KAZN: variants seen among roughly 807,000 people sequenced by gnomAD.
KAZN encodes the protein kazrin.
A neutral mutation model predicts 87.4 loss-of-function variants in KAZN; 40 were observed. That is an observed-to-expected ratio of 0.46 (90% CI 0.36 to 0.60). KAZN has a LOEUF of 0.60. KAZN is among the 20% of genes least tolerant of loss of function. KAZN has a pLI of 0.00. For missense variants in KAZN, 898 were observed against 1,073.9 expected (o/e 0.84, Z 2.29); for synonymous variants, 466 against 458.3 (o/e 1.02, Z -0.22).
At position 15,114,598 on chromosome 1, in the gene KAZN, T is replaced by A. The variant is rs1180929668; in HGVS notation, c.2291T>A (p.Leu764Gln). The A allele has an allele frequency of 2.5e-6, 4 of 1,598,750 alleles. No individual in the cohort carries two copies. The South Asian group carries it at 4.5e-5, about 18-fold the overall frequency. The change falls in exon 15 of 15, where the codon CTG becomes CAG. Residue 764 changes from leucine to glutamine, a missense_variant. Coordinates refer to ENST00000376030, the MANE Select transcript of KAZN (RefSeq NM_201628.3). The stretch of plus-strand genomic sequence containing the variant: ...CAGAGCAGGCTGGAACAGTGCCGTC[T>A]GGAAGGCTACAACAGCCTGGAGGTC... ...DPQSRLEQCR[L>Q]EGYNSLEVTN...
At chr1:14,849,580 T>C (rs1291572720) in intron 1 of KAZN, among the ~76,000 whole-genome samples, 1 of 152,152 alleles carries the variant, frequency 6.6e-6, no homozygotes, top group Non-Finnish European at 1.5e-5. Flanking sequence ...CCAGAGAATA[T>C]TAAAAAACAA....
intron 2 of KAZN, among the ~76,000 whole-genome samples, chr1:14,291,219 C>A (rs1653664403): frequency 6.6e-6 from 1 of 152,246 alleles, no homozygotes; most frequent in Admixed American, 6.5e-5. Flanking sequence ...CTCTTCAGAG[C>A]TGTCAGACAG....
intron 1 of KAZN, among the ~76,000 whole-genome samples, chr1:14,145,268 C>A (rs1645321522): frequency 6.6e-6 from 1 of 152,008 alleles, no homozygotes; most frequent in Non-Finnish European, 1.5e-5. Context: ...CATAGTGAGA[C>A]CCCATCTTTA....
chr1:14,556,475 A>G (rs951276150), intron 2 of KAZN, among the ~76,000 whole-genome samples: 2 of 152,154 alleles, frequency 1.3e-5, no homozygotes, highest in African/African-American at 4.8e-5. Context: ...AAATTTTTAG[A>G]CAGGGACTCA....
intron 2 of KAZN, among the ~76,000 whole-genome samples, chr1:14,502,892 G>A (rs1489903811): frequency 6.6e-6 from 1 of 152,086 alleles, no homozygotes; most frequent in Non-Finnish European, 1.5e-5. Flanking sequence ...GTTGCTCAAT[G>A]ACACAGTTAA....
At chr1:14,518,947 A>C (rs1671436312) in intron 2 of KAZN, among the ~76,000 whole-genome samples, 1 of 152,200 alleles carries the variant, frequency 6.6e-6, no homozygotes, top group African/African-American at 2.4e-5. Context: ...TTTCATCTGC[A>C]TGGGGACCCA....
chr1:14,930,769 G>A (rs1254415631), intron 1 of KAZN, among the ~76,000 whole-genome samples: 1 of 152,230 alleles, frequency 6.6e-6, no homozygotes, highest in Non-Finnish European at 1.5e-5. Flanking sequence ...CAGAGCGGAG[G>A]CTGAGCTGCC....
intron 2 of KAZN, among the ~76,000 whole-genome samples, chr1:15,029,878 C>T (rs898662873): frequency 2.0e-5 from 3 of 152,158 alleles, no homozygotes; most frequent in Non-Finnish European, 2.9e-5. Context: ...TTCTTTCCAC[C>T]GGAGCAGGAG....
At chr1:15,107,605 TGA>T (rs1641339920) in intron 13 of KAZN, among the ~76,000 whole-genome samples, 1 of 152,210 alleles carries the variant, frequency 6.6e-6, no homozygotes. Flanking sequence ...GATGGCAAGA[TGA>T]GATAAGACAA....
chr1:14,374,985 G>A (rs984946551), intron 2 of KAZN, among the ~76,000 whole-genome samples: 2 of 152,146 alleles, frequency 1.3e-5, no homozygotes, highest in African/African-American at 4.8e-5. Context: ...CCAAACTCTA[G>A]AGCACCTCAG....
rs569027726 is a variant in KAZN at position 14,320,188 on chromosome 1, A to G, written c.249+139596A>G. On this transcript the variant is annotated intron_variant, in intron 2 of 16. Coordinates refer to the KAZN transcript ENST00000636203. The stretch of plus-strand genomic sequence containing the variant: ...CACCCATGTGTCTTAAACATCCCAA[A>G]TCTTTGGTAGAATGAGGAGGCAGGG... Among the ~76,000 whole-genome samples the G allele has an allele frequency of 4.4e-4, 67 of 152,230 alleles. No individual in the cohort carries two copies. In the South Asian group the frequency reaches 0.013, roughly 31 times the overall value.
chr1:14,504,153 T>G (rs959974316), intron 2 of KAZN, among the ~76,000 whole-genome samples: 5 of 152,172 alleles, frequency 3.3e-5, no homozygotes, highest in Non-Finnish European at 7.4e-5. Flanking sequence ...GAGGACAAAG[T>G]ATCACGGTTT....
At chr1:14,227,724 T>C (rs996020068) in intron 2 of KAZN, among the ~76,000 whole-genome samples, 2 of 152,192 alleles carry the variant, frequency 1.3e-5, no homozygotes, top group Admixed American at 6.5e-5. Flanking sequence ...GTAGTCATGT[T>C]TGAAACCACC....
At chr1:14,924,588 G>A (rs1658941232) in intron 1 of KAZN, 24 of 1,005,846 alleles carry the variant, frequency 2.4e-5, no homozygotes, top group Non-Finnish European at 2.7e-5. Flanking sequence ...TGCGCGCGGG[G>A]CGGGGCGGGG....
At chr1:14,827,577 T>C (rs1355109572) in intron 1 of KAZN, among the ~76,000 whole-genome samples, 2 of 152,296 alleles carry the variant, frequency 1.3e-5, no homozygotes, top group East Asian at 1.9e-4. Context: ...GACAGTAAAA[T>C]TGCTTAGGGC....
Position 14,916,741 on chromosome 1 carries a change from A to G in KAZN, c.227-43943A>G, listed in dbSNP as rs192976764. On this transcript the variant is annotated intron_variant, in intron 1 of 14. Transcript: ENST00000376030. ...AGCTTGGGCAACACAGTGAGACCCT[A>G]TATCTACAAAAAAAATTAAAAATTA... 2.6e-5 allele frequency among the ~76,000 whole-genome samples: 4 copies of G among 151,932 alleles called. No homozygotes were observed. The East Asian group carries it at 7.8e-4, about 29-fold the overall frequency.
At chr1:15,014,406 G>A (rs929045235) in intron 2 of KAZN, among the ~76,000 whole-genome samples, 12 of 152,104 alleles carry the variant, frequency 7.9e-5, no homozygotes, top group Non-Finnish European at 1.5e-4. Context: ...GCTCCACGGC[G>A]GAGGCTGGGT....
chr1:14,472,148 T>C (rs912805801), intron 2 of KAZN, among the ~76,000 whole-genome samples: 7 of 152,148 alleles, frequency 4.6e-5, no homozygotes, highest in Non-Finnish European at 1.0e-4. Flanking sequence ...ACTAATCCCA[T>C]TCATGAGGGC....
intron 2 of KAZN, among the ~76,000 whole-genome samples, chr1:14,335,072 G>C (rs1017592605): frequency 9.9e-5 from 15 of 150,982 alleles, no homozygotes; most frequent in Non-Finnish European, 1.9e-4. Context: ...AAGTGTTTGG[G>C]CCATGGGGGC....
Sources: gnomAD v4.1 joint callset for allele counts (sites outside exome capture counted in the v4.1 genomes callset) on GRCh38, gnomAD v4.1.1 for gene constraint, MANE v1.5 for transcripts, NCBI Gene and HGNC (gene_info 2026-07-23, HGNC 2026-07-21) for gene names.